The following DEUP1 variants were observed in gnomAD, a reference collection of about 807,000 sequenced individuals.
The protein encoded by DEUP1 is coiled-coil domain containing 67.
In DEUP1, 82 loss-of-function variants were observed where a neutral mutation model predicts 87.4. The observed-to-expected ratio is 0.94, with a 90% CI of 0.78 to 1.13. The LOEUF (loss-of-function observed/expected upper bound fraction) is 1.13. DEUP1 is among the 50% of genes most tolerant of loss of function. The pLI is 0.00. For missense variants in DEUP1, 663 were observed against 681.5 expected (o/e 0.97, Z 0.30); for synonymous variants, 214 against 222.7 (o/e 0.96, Z 0.35).
chr11:93,376,527 C>G (rs1242400168), intron 7 of DEUP1, among the ~76,000 whole-genome samples: 1 of 152,074 alleles, frequency 6.6e-6, no homozygotes, highest in Non-Finnish European at 1.5e-5. Context: ...CTTGGTTAAT[C>G]TTGCTAATGG....
At chr11:93,419,468 G>A (rs1245151295) in intron 13 of DEUP1, among the ~76,000 whole-genome samples, 1 of 152,122 alleles carries the variant, frequency 6.6e-6, no homozygotes, top group Non-Finnish European at 1.5e-5. Context: ...AAGTCAACAT[G>A]GCAGATTAGC....
chr11:93,406,836 A>G (rs11824097), intron 11 of DEUP1, among the ~76,000 whole-genome samples: 8,633 of 152,068 alleles, frequency 0.057, 769 homozygotes, highest in African/African-American at 0.19. Context: ...CCCTAATGAA[A>G]AAATAAGTTA....
intron 13 of DEUP1, among the ~76,000 whole-genome samples, chr11:93,420,542 A>G (rs1286175485): frequency 6.8e-6 from 1 of 146,720 alleles, no homozygotes; most frequent in Non-Finnish European, 1.5e-5. Flanking sequence ...TATTCAACAT[A>G]GTGTTGGAAG....
At chr11:93,416,434 A>G (rs916115834) in intron 13 of DEUP1, among the ~76,000 whole-genome samples, 2 of 152,102 alleles carry the variant, frequency 1.3e-5, no homozygotes, top group Non-Finnish European at 2.9e-5. Flanking sequence ...AAATCCAGAA[A>G]TGGATAAATT....
chr11:93,436,803 A>T (rs1948260465), intron 13 of DEUP1, among the ~76,000 whole-genome samples: 1 of 152,248 alleles, frequency 6.6e-6, no homozygotes, highest in African/African-American at 2.4e-5. Context: ...CCAACAAAAA[A>T]AAATTACTTA....
chr11:93,394,633 G>GA lies in DEUP1; in HGVS notation c.1222dup (p.Met408AsnfsTer13), dbSNP rs755228434. On this transcript the variant is annotated frameshift_variant, in exon 10 of 14. Transcript: ENST00000298050. LOFTEE classifies it high-confidence loss of function. ...GTTAAAAATGGAATTAGAAATAAAA[G>GA]AAAAAATGTTAGCAAAACAAAAGGT... 1.9e-6 allele frequency: 3 copies of GA among 1,609,932 alleles called. No homozygotes were observed. The highest frequency in any genetic ancestry group is 1.7e-5 in the Admixed American group (1 of 59,138).
intron 11 of DEUP1, among the ~76,000 whole-genome samples, chr11:93,404,880 G>C (rs537352390): frequency 6.6e-6 from 1 of 151,598 alleles, no homozygotes; most frequent in African/African-American, 2.4e-5. Flanking sequence ...TAAATGAGAG[G>C]GACCCAAAAA....
rs1555068623 is a variant in DEUP1, at chr11:93,437,745, C to CCG, written c.*27_*28insGC. 1 of 1,025,234 alleles carries CCG rather than the reference C, an allele frequency of 9.8e-7. No homozygotes were observed. The highest frequency in any genetic ancestry group is 1.5e-5 in the South Asian group (1 of 66,362). The allele number at this position is 1,025,234 out of a possible 1,614,324, so 63.5% of individuals were successfully genotyped here. ...GCTTTTAAACTTTTTTATTTGCTTC[C>CCG]CCCCCCCACCCCCGCCAAGAAAAAA... On this transcript the variant is annotated 3_prime_UTR_variant, in exon 14 of 14. Transcript: ENST00000298050.
chr11:93,341,544 A>G (rs1286518864), intron 2 of DEUP1, among the ~76,000 whole-genome samples: 1 of 152,138 alleles, frequency 6.6e-6, no homozygotes, highest in East Asian at 1.9e-4. Flanking sequence ...TGAGGTTACT[A>G]TTAGTCATAT....
At chr11:93,373,640 T>TGTGTATATATATGCATATATATATAC in intron 7 of DEUP1, among the ~76,000 whole-genome samples, 2 of 142,358 alleles carry the variant, frequency 1.4e-5, no homozygotes, top group African/African-American at 5.1e-5. Context: ...TATATATATA[T>TGTGTATATATATGCATATATATATAC]ATATATATAT....
intron 9 of DEUP1, among the ~76,000 whole-genome samples, chr11:93,389,620 A>G (rs185841521): frequency 2.0e-5 from 3 of 152,282 alleles, no homozygotes; most frequent in Admixed American, 2.0e-4. Context: ...CCTCACAAAC[A>G]TCTAATGAAA....
chr11:93,389,903 A>G (rs773436315), intron 9 of DEUP1, among the ~76,000 whole-genome samples: 1 of 152,224 alleles, frequency 6.6e-6, no homozygotes, highest in Non-Finnish European at 1.5e-5. Flanking sequence ...AGCACCTAAC[A>G]TGTGCCAGGA....
intron 7 of DEUP1, among the ~76,000 whole-genome samples, chr11:93,373,629 A>ATG (rs1945872240): frequency 2.5e-5 from 3 of 120,150 alleles, no homozygotes; most frequent in African/African-American, 9.9e-5. Context: ...ATATACGTAT[A>ATG]TATATATATA....
At chr11:93,429,995 A>G (rs1027245424) in intron 13 of DEUP1, among the ~76,000 whole-genome samples, 3 of 152,238 alleles carry the variant, frequency 2.0e-5, no homozygotes, top group Non-Finnish European at 2.9e-5. Context: ...CCACATCAGT[A>G]CCATTCCTAT....
At chr11:93,413,914 TCTC>T (rs1947523406) in intron 12 of DEUP1, among the ~76,000 whole-genome samples, 1 of 152,244 alleles carries the variant, frequency 6.6e-6, no homozygotes, top group Non-Finnish European at 1.5e-5. Flanking sequence ...TAAATCTTAG[TCTC>T]CTCATCTGTG....
intron 11 of DEUP1, among the ~76,000 whole-genome samples, chr11:93,407,391 A>G (rs1251560597): frequency 2.6e-5 from 4 of 152,186 alleles, no homozygotes; most frequent in Non-Finnish European, 5.9e-5. Context: ...TTGTGTAGAC[A>G]CACTGTATGA....
chr11:93,420,272 A>G (rs1413966366), intron 13 of DEUP1, among the ~76,000 whole-genome samples: 1 of 152,108 alleles, frequency 6.6e-6, no homozygotes, highest in Non-Finnish European at 1.5e-5. Flanking sequence ...ACGCAAATCA[A>G]TAAATGTAAT....
At chr11:93,415,782 G>C (rs2658778) in intron 13 of DEUP1, among the ~76,000 whole-genome samples, 126,813 of 151,856 alleles carry the variant, frequency 0.84, 53,068 homozygotes, top group East Asian at 0.91. Context: ...TTTTTAGATT[G>C]ATCATCACCC....
In DEUP1 at chr11:93,414,066, T is replaced by A. The variant is rs190406600; in HGVS notation, c.1524-934T>A. Among the ~76,000 whole-genome samples, 15 of 152,278 alleles carry A rather than the reference T, an allele frequency of 9.9e-5. 1 individual carries two copies. The highest frequency in any genetic ancestry group is 8.5e-4 in the Admixed American group (13 of 15,288). On this transcript the variant is annotated intron_variant, in intron 12 of 13. Coordinates refer to ENST00000298050, the MANE Select transcript of DEUP1 (RefSeq NM_181645.4). ...ACATATATTAATCATTCAACTCTCA[T>A]AACAACCCTTTTATAAGTGAGAAAA...
Sources: allele counts gnomAD v4.1 joint callset (sites outside exome capture counted in the v4.1 genomes callset), GRCh38; gene constraint gnomAD v4.1.1; transcripts MANE v1.5; gene names NCBI Gene and HGNC (gene_info 2026-07-23, HGNC 2026-07-21).